The following SNX14 variants were observed in gnomAD, a reference collection of about 807,000 sequenced individuals.
The protein encoded by SNX14 is sorting nexin 14, also known as sorting nexin-14.
SNX14 carries 93 observed loss-of-function variants against 133.8 expected under a neutral mutation model. That is an observed-to-expected ratio of 0.70 (90% CI 0.59 to 0.83). The LOEUF is 0.83. Ranked by LOEUF, SNX14 falls within the 40% of genes least tolerant of loss-of-function variation. The probability of loss-of-function intolerance (pLI) is 0.00; values close to 1 mark genes in which losing one functional copy is unlikely to be tolerated. For missense variants in SNX14, 945 were observed against 1,094.9 expected (o/e 0.86, Z 1.93); for synonymous variants, 368 against 365.6 (o/e 1.01, Z -0.07).
chr6:85,539,010 G>A, intron 15 of SNX14, 146 bp from the exon 16 acceptor site: 2 of 547,254 alleles, frequency 3.7e-6, no homozygotes, highest in Non-Finnish European at 6.1e-6. Context: ...GCAAAGGGAA[G>A]AAATCTTCAT....
Position 85,541,968 on chromosome 6 carries a change from C to A in SNX14, c.1448+17G>T. On this transcript the variant is annotated intron_variant, in intron 15 of 28. Transcript: ENST00000314673. ...TGACTGGCATCAGCAAGTTCAAAAACAAAACATACAACCTACCTGTTCAAT... is the reference window on the plus strand; with the variant it reads ...TGACTGGCATCAGCAAGTTCAAAAAAAAAACATACAACCTACCTGTTCAAT... 1 of 1,580,668 alleles carries A rather than the reference C, an allele frequency of 6.3e-7. No homozygotes were observed.
At chr6:85,531,225 T>C (rs542918848) in intron 18 of SNX14, among the ~76,000 whole-genome samples, 3 of 152,340 alleles carry the variant, frequency 2.0e-5, no homozygotes, top group South Asian at 2.1e-4. Context: ...CTAATCCCAG[T>C]TAACCCCACC....
Position 85,565,330 on chromosome 6 carries a change from A to G in SNX14, c.549+2T>C. 4 of 1,559,484 alleles carry G rather than the reference A, an allele frequency of 2.6e-6. No individual in the cohort carries two copies. Among genetic ancestry groups the G allele is most frequent in the Non-Finnish European group, 3.5e-6 (4 of 1,148,866 alleles). On this transcript the variant is annotated splice_donor_variant, in intron 6 of 28. Transcript: ENST00000314673. LOFTEE classifies it high-confidence loss of function. ...CCCAAATTTCTCATTAAAAATATAT[A>G]CCTTGTGAATCCTTCTTATTAAGAC...
In SNX14 at chr6:85,572,142, A is replaced by G; in HGVS notation, c.412T>C (p.Ser138Pro). The stretch of plus-strand genomic sequence containing the variant: ...ATATTAATTAAATCAGTTACCTCTG[A>G]GAGAGATGCATCAACCTTGGAAGAA... ...KISSKVDASL[S>P]EVLELVLENF... Residue 138 changes from serine to proline, a missense_variant, in exon 4 of 29, where the codon TCA (serine) becomes CCA (proline). Physicochemically the swap from Ser to Pro is moderately conservative, Grantham distance 74. Transcript: ENST00000314673. 1 of 1,612,364 alleles carries G rather than the reference A, an allele frequency of 6.2e-7. No homozygotes were observed. The highest frequency in any genetic ancestry group is 8.5e-7 in the Non-Finnish European group (1 of 1,179,102).
rs185193875 is a variant in SNX14 at position 85,589,052 on chromosome 6, G to A, written c.140+4527C>T. On this transcript the variant is annotated intron_variant, in intron 1 of 28. Transcript: ENST00000314673. Reference sequence around the variant, plus strand: ...CATGATTTCTGCCCGACTTTTTGCCGTTTCATTTCTCTAAAAACATTTTTA... The same window carrying A: ...CATGATTTCTGCCCGACTTTTTGCCATTTCATTTCTCTAAAAACATTTTTA... 84 of 358,176 alleles carry A rather than the reference G, an allele frequency of 2.3e-4. 1 individual carries two copies. The highest frequency in any genetic ancestry group is 4.2e-4 in the Middle Eastern group (1 of 2,354). 22.2% of individuals were successfully genotyped at this position (358,176 alleles called of 1,614,324 possible). A position where few individuals can be genotyped will look rare whatever the true frequency, so the allele number is the denominator to read the frequency against.
At chr6:85,560,889 C>A (rs1427083807) in intron 6 of SNX14, among the ~76,000 whole-genome samples, 2 of 150,322 alleles carry the variant, frequency 1.3e-5, no homozygotes, top group East Asian at 3.9e-4. Context: ...CAAAAATTAG[C>A]CAGGCATGGT....
chr6:85,524,785 G>GAAAAAAAAAAAAAAAAAAAAAAAA (rs397885760), intron 21 of SNX14, among the ~76,000 whole-genome samples: 1 of 88,248 alleles, frequency 1.1e-5, no homozygotes, highest in African/African-American at 3.8e-5. Context: ...TTCCATCACA[G>GAAAAAAAAAAAAAAAAAAAAAAAA]AAAAAAAAAA....
At chr6:85,589,990 T>C (rs1045748426) in intron 1 of SNX14, among the ~76,000 whole-genome samples, 4 of 152,198 alleles carry the variant, frequency 2.6e-5, no homozygotes, top group Admixed American at 2.0e-4. Flanking sequence ...TGGGGACAAG[T>C]AGACCACTTC....
chr6:85,527,652 A>C lies in SNX14; in HGVS notation c.1995+610T>G, dbSNP rs112181326. ...AGAAAGATGTTTATTAGTCTTGGAG[A>C]GCCTGATGTCTCAAGTAACTTTTAT... is the stretch of plus-strand genomic sequence containing the variant. On this transcript the variant is annotated intron_variant, in intron 20 of 28. Coordinates refer to ENST00000314673, the MANE Select transcript of SNX14 (RefSeq NM_153816.6). Among the ~76,000 whole-genome samples, 500 of 152,228 alleles carry C rather than the reference A, an allele frequency of 3.3e-3. 2 individuals are homozygous for C. The highest frequency in any genetic ancestry group is 0.011 in the African/African-American group (471 of 41,554).
chr6:85,576,118 G>A (rs896753685), intron 1 of SNX14, among the ~76,000 whole-genome samples: 2 of 151,678 alleles, frequency 1.3e-5, no homozygotes, highest in African/African-American at 4.9e-5. Flanking sequence ...TTTTCCCATT[G>A]ACTGAAACCA....
chr6:85,563,159 C>A (rs1792343768), intron 6 of SNX14, among the ~76,000 whole-genome samples: 1 of 152,044 alleles, frequency 6.6e-6, no homozygotes, highest in South Asian at 2.1e-4. Context: ...TTTTCTCTAG[C>A]AGTTGACTAT....
At chr6:85,585,604 T>C (rs542491670) in intron 1 of SNX14, among the ~76,000 whole-genome samples, 1 of 152,322 alleles carries the variant, frequency 6.6e-6, no homozygotes, top group South Asian at 2.1e-4. Context: ...TGGATACTAA[T>C]GGAGGTTAGT....
At chr6:85,589,614 G>A (rs573999739) in intron 1 of SNX14, 35 of 152,346 alleles carry the variant, frequency 2.3e-4, no homozygotes, top group African/African-American at 8.2e-4. Context: ...TTCCTCTGGT[G>A]TGATGTCTAC....
chr6:85,565,979 C>T (rs1435156396), intron 5 of SNX14, among the ~76,000 whole-genome samples: 3 of 152,150 alleles, frequency 2.0e-5, no homozygotes, highest in Non-Finnish European at 4.4e-5. Flanking sequence ...CTTCCCTAAT[C>T]AAAGGCAAGA....
At chr6:85,562,313 A>G (rs1791913580) in intron 6 of SNX14, among the ~76,000 whole-genome samples, 1 of 152,140 alleles carries the variant, frequency 6.6e-6, no homozygotes, top group Admixed American at 6.6e-5. Flanking sequence ...TCTTTCAGAA[A>G]TCTCCAAACT....
chr6:85,590,167 T>A (rs1802360221), intron 1 of SNX14, among the ~76,000 whole-genome samples: 2 of 152,208 alleles, frequency 1.3e-5, no homozygotes, highest in Non-Finnish European at 1.5e-5. Context: ...CCAGGCCTCC[T>A]TATACAACCA....
At chr6:85,543,573 T>C in intron 13 of SNX14, 32 bp downstream of exon 13, 4 of 1,518,326 alleles carry the variant, frequency 2.6e-6, no homozygotes, top group Non-Finnish European at 3.6e-6. Context: ...GTAAGAGTGC[T>C]AAATAAGTCA....
At chr6:85,528,224 A>T (rs2127977100) in intron 20 of SNX14, 38 bp downstream of exon 20, 2 of 1,428,380 alleles carry the variant, frequency 1.4e-6, no homozygotes, top group South Asian at 2.5e-5. Context: ...GAATGCTATG[A>T]TTAGCAACAT....
In SNX14 at chr6:85,505,899, A is replaced by G. The variant is rs1214510983; in HGVS notation, c.*68T>C. Reference sequence around the variant, plus strand: ...TAATATATATAAGAATATACCCAAAAAAGTAAATTTCTACCACCCTCGCAC... The same window carrying G: ...TAATATATATAAGAATATACCCAAAGAAGTAAATTTCTACCACCCTCGCAC... On this transcript the variant is annotated 3_prime_UTR_variant, in exon 29 of 29. Transcript: ENST00000314673. 1.8e-6 allele frequency: 2 copies of G among 1,109,940 alleles called. No homozygotes were observed. Among genetic ancestry groups the G allele is most frequent in the African/African-American group, 1.6e-5 (1 of 64,490 alleles). 68.8% of individuals were successfully genotyped at this position (1,109,940 alleles called of 1,614,324 possible).
Sources: gnomAD v4.1 joint callset for allele counts (sites outside exome capture counted in the v4.1 genomes callset) on GRCh38, gnomAD v4.1.1 for gene constraint, MANE v1.5 for transcripts, NCBI Gene and HGNC (gene_info 2026-07-23, HGNC 2026-07-21) for gene names.